The following TUBGCP4 variants were observed in gnomAD, a reference collection of about 807,000 sequenced individuals.
TUBGCP4 encodes tubulin gamma complex component 4.
A neutral mutation model predicts 91.6 loss-of-function variants in TUBGCP4; 54 were observed. That is an observed-to-expected ratio of 0.59 (90% CI 0.47 to 0.74). The LOEUF is 0.74. TUBGCP4 is among the 30% of genes least tolerant of loss of function. The pLI is 0.00. For synonymous variants in TUBGCP4, 297 were observed against 302.8 expected (o/e 0.98, Z 0.20); for missense variants, 593 against 800.9 (o/e 0.74, Z 3.13).
At chr15:43,375,443 G>A (rs977055683) in intron 1 of TUBGCP4, among the ~76,000 whole-genome samples, 6 of 152,164 alleles carry the variant, frequency 3.9e-5, no homozygotes, top group African/African-American at 1.4e-4. Context: ...TAAAAAGTTG[G>A]TTGAAGGAAT....
rs1437744184 is a variant in TUBGCP4 at position 43,404,525 on chromosome 15, A to G, written c.1961A>G (p.Tyr654Cys). The G allele has an allele frequency of 6.2e-7, 1 of 1,614,204 alleles. No individual in the cohort carries two copies. The highest frequency in any genetic ancestry group is 8.5e-7 in the Non-Finnish European group (1 of 1,180,034). Residue 654 changes from tyrosine (Y) to cysteine (C), a missense_variant, in exon 17 of 18, where the codon TAT becomes TGT. Tyr to Cys is a radical substitution (Grantham distance 194, BLOSUM62 -2). Coordinates refer to ENST00000564079, the MANE Select transcript of TUBGCP4 (RefSeq NM_014444.5). ...LLLRLDYNKYYTQAGGTLGSF... is the reference protein window; with the variant it reads ...LLLRLDYNKYCTQAGGTLGSF... ...TTACGACTAGATTATAACAAATACT[A>G]TACCCAGGCTGGTGGAACTCTGGGC...
chr15:43,376,958 C>G, intron 3 of TUBGCP4, 56 bp from the exon 4 acceptor site: 2 of 1,402,994 alleles, frequency 1.4e-6, no homozygotes, highest in South Asian at 1.2e-5. Context: ...TTTCATAGAT[C>G]AAATAGATTT....
Position 43,401,712 on chromosome 15 carries a change from T to C in TUBGCP4, c.1597-4T>C. 4 of 1,613,902 alleles carry C rather than the reference T, an allele frequency of 2.5e-6. No individual in the cohort carries two copies. Among genetic ancestry groups the C allele is most frequent in the Non-Finnish European group, 3.4e-6 (4 of 1,179,932 alleles). On this transcript the variant is annotated splice_region_variant and splice_polypyrimidine_tract_variant and intron_variant, in intron 14 of 17. Transcript: ENST00000564079. ...GTGCTAAAATTTTTTGTAATGTCTA[T>C]CAGGTAGATGTGTTGGAGTCTCAGT...
In TUBGCP4 at chr15:43,397,200, GTTCT is replaced by G. The variant is rs1467899397; in HGVS notation, c.1172-8_1172-5del. 6.2e-7 allele frequency: 1 copy of G among 1,609,286 alleles called. No homozygotes were observed. The highest frequency in any genetic ancestry group is 8.5e-7 in the Non-Finnish European group (1 of 1,175,536). ...GCCAAGCGTCCCTGTCAGCCTGCGT[GTTCT>G]TTCTTGCAGATGTGAATGTGGCCTT... On this transcript the variant is annotated splice_polypyrimidine_tract_variant and intron_variant, in intron 11 of 17. Coordinates refer to ENST00000564079, the MANE Select transcript of TUBGCP4 (RefSeq NM_014444.5).
intron 7 of TUBGCP4, among the ~76,000 whole-genome samples, chr15:43,384,234 G>A (rs974655535): frequency 6.6e-6 from 1 of 152,110 alleles, no homozygotes. Context: ...TATGTGCTAG[G>A]CATTGTTCTA....
chr15:43,377,817 A>G (rs763284351), intron 4 of TUBGCP4, 30 bp from the exon 5 acceptor site: 11 of 1,547,314 alleles, frequency 7.1e-6, no homozygotes, highest in Non-Finnish European at 9.7e-6. Context: ...ATTTGATTAC[A>G]TACCCTTCTA....
At chr15:43,403,441 T>G in intron 15 of TUBGCP4, 3 of 363,670 alleles carry the variant, frequency 8.2e-6, no homozygotes, top group Non-Finnish European at 1.0e-5. Flanking sequence ...TGTGGCTAGA[T>G]TGGAGGTTTG....
At chr15:43,390,474 T>G (rs2044447863) in intron 9 of TUBGCP4, among the ~76,000 whole-genome samples, 2 of 151,798 alleles carry the variant, frequency 1.3e-5, no homozygotes, top group Non-Finnish European at 2.9e-5. Flanking sequence ...TATTAGTCTT[T>G]TCAAAGAACA....
chr15:43,385,842 C>T lies in TUBGCP4; in HGVS notation c.775C>T (p.Leu259=), dbSNP rs11635172. Reference sequence around the variant, plus strand: ...GGCACCATCTCTGAAGCAGTTTTCCCTACGAGTGGAGATTTTGCCATCCTA... The same window carrying T: ...GGCACCATCTCTGAAGCAGTTTTCCTTACGAGTGGAGATTTTGCCATCCTA... ...MLAPSLKQFS[L]RVEILPSYIP... is the part of the protein sequence containing the mutation. Residue 259 remains leucine, a synonymous_variant, in exon 8 of 18, where the codon CTA becomes TTA. Coordinates refer to ENST00000564079, the MANE Select transcript of TUBGCP4 (RefSeq NM_014444.5). 6.2e-7 allele frequency: 1 copy of T among 1,614,142 alleles called. No homozygotes were observed. Among genetic ancestry groups the T allele is most frequent in the Admixed American group, 1.7e-5 (1 of 60,020 alleles).
chr15:43,399,968 G>A (rs1268941037), intron 13 of TUBGCP4, 76 bp from the exon 14 acceptor site: 2 of 1,244,372 alleles, frequency 1.6e-6, no homozygotes, highest in Non-Finnish European at 2.2e-6. Flanking sequence ...GTGGCACAAA[G>A]TCCTAGAGTC....
chr15:43,399,308 ATT>A, intron 13 of TUBGCP4: 1 of 299,152 alleles, frequency 3.3e-6, no homozygotes. Context: ...GAGGGAAGCT[ATT>A]TTACTTTCTT....
chr15:43,408,119 T>C lies in TUBGCP4; in HGVS notation c.*2905T>C, dbSNP rs2044979327. ...AAGGAGACAGGAAAGGACCTTAGCA[T>C]GACAAGTAATATCCAACAAACTGCC... On this transcript the variant is annotated 3_prime_UTR_variant, in exon 18 of 18. Coordinates refer to ENST00000564079, the MANE Select transcript of TUBGCP4 (RefSeq NM_014444.5). 6.2e-7 allele frequency: 1 copy of C among 1,605,740 alleles called. No homozygotes were observed.
intron 1 of TUBGCP4, among the ~76,000 whole-genome samples, chr15:43,375,160 C>T (rs563697563): frequency 3.9e-5 from 6 of 152,230 alleles, no homozygotes; most frequent in Non-Finnish European, 7.3e-5. Context: ...GCCTCGGCCT[C>T]CCGAAATGCT....
intron 7 of TUBGCP4, chr15:43,385,350 A>G (rs1405127898): frequency 4.4e-6 from 2 of 455,912 alleles, no homozygotes; most frequent in African/African-American, 2.0e-5. Context: ...AATTAAAACT[A>G]TCTGTTACAC....
intron 3 of TUBGCP4, among the ~76,000 whole-genome samples, 188 bp downstream of exon 3, chr15:43,376,813 C>T (rs374774257): frequency 2.0e-5 from 3 of 152,196 alleles, no homozygotes; most frequent in African/African-American, 7.2e-5. Flanking sequence ...ATGGCAAAGA[C>T]TCTTTAGTGA....
intron 3 of TUBGCP4, 75 bp from the exon 4 acceptor site, chr15:43,376,939 T>C (rs2044214378): frequency 8.0e-7 from 1 of 1,249,964 alleles, no homozygotes; most frequent in Non-Finnish European, 1.2e-6. Flanking sequence ...CATGAGATTC[T>C]CTTCTCATTT....
Position 43,380,134 on chromosome 15 carries a change from G to A in TUBGCP4, c.492G>A (p.Gly164=), listed in dbSNP as rs759827961. Residue 164 remains glycine (G), a synonymous_variant, in exon 6 of 18, where the codon GGG becomes GGA. Transcript: ENST00000564079. ...CAGTCTACAAACACAGCTGTGGGGG[G>A]TTGCCTCCTGTTCGAAGTGCACTGG... The part of the protein sequence containing the change: ...LETVYKHSCG[G]LPPVRSALEK... 1 of 1,614,110 alleles carries A rather than the reference G, an allele frequency of 6.2e-7. No homozygotes were observed. Among genetic ancestry groups the A allele is most frequent in the East Asian group, 2.2e-5 (1 of 44,888 alleles).
In TUBGCP4 at chr15:43,387,530, C is replaced by T. The variant is rs1473994600; in HGVS notation, c.1014+1200C>T. Among the ~76,000 whole-genome samples, 3 of 151,332 alleles carry T rather than the reference C, an allele frequency of 2.0e-5. No individual in the cohort carries two copies. The South Asian group carries it at 6.3e-4, about 32-fold the overall frequency. On this transcript the variant is annotated intron_variant, in intron 9 of 17. Transcript: ENST00000564079. Reference sequence around the variant, plus strand: ...AGGTTGGAGTGCAATGGTGTGATCTCGGCTCACTGCAACCTCTGCCTCCTG... The same window carrying T: ...AGGTTGGAGTGCAATGGTGTGATCTTGGCTCACTGCAACCTCTGCCTCCTG...
At chr15:43,387,321 C>T (rs1391684048) in intron 9 of TUBGCP4, among the ~76,000 whole-genome samples, 1 of 152,116 alleles carries the variant, frequency 6.6e-6, no homozygotes, top group African/African-American at 2.4e-5. Flanking sequence ...TTCAAAGGAG[C>T]ATATATGTTC....
Sources: gnomAD v4.1 joint callset for allele counts (sites outside exome capture counted in the v4.1 genomes callset) on GRCh38, gnomAD v4.1.1 for gene constraint, MANE v1.5 for transcripts, NCBI Gene and HGNC (gene_info 2026-07-23, HGNC 2026-07-21) for gene names.